GLRB: variants seen among roughly 807,000 people sequenced by gnomAD.
The protein encoded by GLRB is glycine receptor subunit beta.
In GLRB, 33 loss-of-function variants were observed where a neutral mutation model predicts 54.2. The observed-to-expected ratio is 0.61, with a 90% CI of 0.46 to 0.81. The LOEUF is 0.81. Among genes scored for constraint, GLRB ranks in the 40% least tolerant of loss-of-function variants. GLRB has a pLI of 0.00. For missense variants in GLRB, 572 were observed against 584.6 expected (o/e 0.98, Z 0.22); for synonymous variants, 209 against 208.2 (o/e 1.00, Z -0.03).
intron 2 of GLRB, among the ~76,000 whole-genome samples, chr4:157,094,215 T>G (rs182322033): frequency 6.6e-6 from 1 of 152,310 alleles, no homozygotes; most frequent in East Asian, 1.9e-4. Flanking sequence ...TCACTTTCTT[T>G]CCAAATTACT....
chr4:157,085,720 A>G (rs1579183319), intron 2 of GLRB, among the ~76,000 whole-genome samples: 1 of 151,828 alleles, frequency 6.6e-6, no homozygotes, highest in East Asian at 1.9e-4. Context: ...GATGGTCTCG[A>G]TCTCCTGACC....
At chr4:157,167,329 C>T (rs933555096) in intron 9 of GLRB, among the ~76,000 whole-genome samples, 2 of 152,222 alleles carry the variant, frequency 1.3e-5, no homozygotes, top group Admixed American at 1.3e-4. Context: ...TAGTGAGTTA[C>T]TCTTTACAAA....
At position 157,144,009 on chromosome 4, in the gene GLRB, A is replaced by C. The variant is rs756871798; in HGVS notation, c.904+50A>C. The C allele has an allele frequency of 3.3e-6, 5 of 1,533,442 alleles. No individual in the cohort carries two copies. The South Asian group carries it at 5.6e-5, about 17-fold the overall frequency. 95.0% of individuals were successfully genotyped at this position (1,533,442 alleles called of 1,614,324 possible). A position where few individuals can be genotyped will look rare whatever the true frequency, so the allele number is the denominator to read the frequency against. The stretch of plus-strand genomic sequence containing the variant: ...CACATCAGGAACAGATTATATCTTT[A>C]TCTAACTTACCATATAATCAACTAC... On this transcript the variant is annotated intron_variant, in intron 8 of 9. Transcript: ENST00000264428.
At chr4:157,163,873 T>C (rs1053028583) in intron 9 of GLRB, among the ~76,000 whole-genome samples, 4 of 149,840 alleles carry the variant, frequency 2.7e-5, no homozygotes, top group African/African-American at 1.0e-4. Context: ...ATGTCCAGGA[T>C]TTTTTATTGA....
intron 9 of GLRB, among the ~76,000 whole-genome samples, chr4:157,165,809 A>G (rs1204904357): frequency 6.6e-6 from 1 of 152,068 alleles, no homozygotes; most frequent in African/African-American, 2.4e-5. Context: ...TATGAATAAA[A>G]GACAAAGAAA....
chr4:157,123,790 G>C (rs1185075290), intron 4 of GLRB, among the ~76,000 whole-genome samples: 1 of 151,542 alleles, frequency 6.6e-6, no homozygotes. Context: ...CTGTACCCTG[G>C]TTATCTAGCA....
intron 2 of GLRB, among the ~76,000 whole-genome samples, chr4:157,092,694 A>G (rs1407539014): frequency 1.3e-5 from 2 of 152,230 alleles, no homozygotes; most frequent in African/African-American, 4.8e-5. Context: ...ATGGGAGGCC[A>G]TCGACTTTTC....
intron 2 of GLRB, among the ~76,000 whole-genome samples, chr4:157,099,646 A>AT (rs1241677715): frequency 6.6e-6 from 1 of 152,074 alleles, no homozygotes; most frequent in African/African-American, 2.4e-5. Context: ...TGTTATGAAC[A>AT]TTTTTATACA....
At chr4:157,097,202 GA>G (rs1474247851) in intron 2 of GLRB, among the ~76,000 whole-genome samples, 1 of 152,068 alleles carries the variant, frequency 6.6e-6, no homozygotes, top group Admixed American at 6.6e-5. Flanking sequence ...AACTGGTTTG[GA>G]CTCCATTAGA....
chr4:157,145,030 A>T (rs1012013765), intron 8 of GLRB, among the ~76,000 whole-genome samples: 2 of 152,336 alleles, frequency 1.3e-5, no homozygotes, highest in African/African-American at 4.8e-5. Context: ...AAAAACCTGA[A>T]TTTAAATTCT....
At chr4:157,091,998 A>T (rs185574759) in intron 2 of GLRB, among the ~76,000 whole-genome samples, 6 of 152,326 alleles carry the variant, frequency 3.9e-5, no homozygotes, top group Admixed American at 3.9e-4. Flanking sequence ...GATAAATTTA[A>T]GGTGAAATTG....
intron 8 of GLRB, among the ~76,000 whole-genome samples, chr4:157,144,881 A>T (rs1346724811): frequency 6.6e-6 from 1 of 152,238 alleles, no homozygotes; most frequent in Non-Finnish European, 1.5e-5. Flanking sequence ...TGGCAATGTC[A>T]TCTGAAGAAG....
chr4:157,096,394 GA>G (rs1579193908), intron 2 of GLRB, among the ~76,000 whole-genome samples: 1 of 152,178 alleles, frequency 6.6e-6, no homozygotes, highest in Admixed American at 6.5e-5. Flanking sequence ...AGGTATATTG[GA>G]TAGTCTTATC....
rs746978405 is a variant in GLRB, at chr4:157,120,582, G to A, written c.149G>A (p.Arg50Gln). Residue 50 changes from arginine to glutamine, a missense_variant, in exon 3 of 10, where the codon CGA (arginine) becomes CAA (glutamine). Transcript: ENST00000264428. Reference protein sequence around the residue: ...PSQQSAEDLARVPANSTSNIL... With the variant: ...PSQQSAEDLAQVPANSTSNIL... ...CAGCAGTCAGCAGAGGACCTTGCCC[G>A]AGTACCTGCCAACTCCACTAGCAAT... is the stretch of plus-strand genomic sequence containing the variant. 5.6e-6 allele frequency: 9 copies of A among 1,598,846 alleles called. No homozygotes were observed. The highest frequency in any genetic ancestry group is 1.7e-4 in the Middle Eastern group (1 of 5,984).
At chr4:157,151,246 C>A (rs1388849595) in intron 8 of GLRB, among the ~76,000 whole-genome samples, 1 of 152,032 alleles carries the variant, frequency 6.6e-6, no homozygotes, top group Admixed American at 6.6e-5. Context: ...TAATTTGACT[C>A]ACAAAATTTG....
At chr4:157,159,071 G>A (rs1387069103) in intron 9 of GLRB, among the ~76,000 whole-genome samples, 5 of 152,064 alleles carry the variant, frequency 3.3e-5, no homozygotes, top group Non-Finnish European at 7.4e-5. Context: ...GGATTCCTAG[G>A]TATTTTATTC....
Position 157,130,080 on chromosome 4 carries a change from A to G in GLRB, c.298-6389A>G, listed in dbSNP as rs530470041. ...CAGGTGCAGTTCATGTACTTTGCATATAACATCTCACTGAATTCTTCCTAA... is the reference window on the plus strand; with the variant it reads ...CAGGTGCAGTTCATGTACTTTGCATGTAACATCTCACTGAATTCTTCCTAA... On this transcript the variant is annotated intron_variant, in intron 4 of 9. Transcript: ENST00000264428. Among the ~76,000 whole-genome samples the G allele has an allele frequency of 5.9e-5, 9 of 151,834 alleles. No homozygotes were observed. The South Asian group carries it at 1.5e-3, about 24-fold the overall frequency.
At chr4:157,091,932 A>C (rs557106285) in intron 2 of GLRB, among the ~76,000 whole-genome samples, 2 of 152,150 alleles carry the variant, frequency 1.3e-5, no homozygotes, top group Non-Finnish European at 2.9e-5. Context: ...CAACTACTCT[A>C]TGAACTCCCT....
At chr4:157,140,029 G>A (rs1736551244) in intron 7 of GLRB, among the ~76,000 whole-genome samples, 1 of 151,900 alleles carries the variant, frequency 6.6e-6, no homozygotes, top group Non-Finnish European at 1.5e-5. Flanking sequence ...ATGCTAGGCA[G>A]CTTGGGGATA....
Sources: allele counts gnomAD v4.1 joint callset (sites outside exome capture counted in the v4.1 genomes callset), GRCh38; gene constraint gnomAD v4.1.1; transcripts MANE v1.5; gene names NCBI Gene and HGNC (gene_info 2026-07-23, HGNC 2026-07-21).